Variants in NWD2 observed in about 807,000 individuals in gnomAD.
The protein encoded by NWD2 is NACHT and WD repeat domain containing 2.
NWD2 carries 37 observed loss-of-function variants against 132.7 expected under a neutral mutation model. That is an observed-to-expected ratio of 0.28 (90% CI 0.21 to 0.37). The LOEUF is 0.37. NWD2 is among the 10% of genes least tolerant of loss of function. The pLI, the probability that NWD2 is intolerant of heterozygous loss-of-function variation, is 1.00. For synonymous variants in NWD2, 705 were observed against 803.0 expected, an observed-to-expected ratio of 0.88 and a Z score of 2.06; for missense variants, 1,592 against 2,122.4, an observed-to-expected ratio of 0.75 and a Z score of 4.91.
chr4:37,409,791 G>A (rs2109318618), intron 3 of NWD2, among the ~76,000 whole-genome samples: 1 of 152,332 alleles, frequency 6.6e-6, no homozygotes, highest in South Asian at 2.1e-4. Flanking sequence ...AAGCCCATCA[G>A]ACTAACAGCA....
At chr4:37,264,495 G>A (rs1240065020) in intron 1 of NWD2, among the ~76,000 whole-genome samples, 1 of 152,074 alleles carries the variant, frequency 6.6e-6, no homozygotes, top group Non-Finnish European at 1.5e-5. Flanking sequence ...TTTTGCCCAA[G>A]GAGGTTGAAT....
intron 3 of NWD2, among the ~76,000 whole-genome samples, chr4:37,367,126 T>C (rs566822750): frequency 4.7e-4 from 71 of 152,258 alleles, no homozygotes; most frequent in African/African-American, 1.7e-3. Context: ...GTTGAAATCA[T>C]ACTAAACTTG....
intron 4 of NWD2, among the ~76,000 whole-genome samples, chr4:37,431,598 C>T (rs1266027561): frequency 6.6e-6 from 1 of 152,122 alleles, no homozygotes; most frequent in African/African-American, 2.4e-5. Flanking sequence ...CTGAAATTGG[C>T]TGAGAGAGCA....
chr4:37,436,818 T>C (rs1427259686), intron 5 of NWD2, among the ~76,000 whole-genome samples: 1 of 152,150 alleles, frequency 6.6e-6, no homozygotes, highest in East Asian at 1.9e-4. Context: ...CATCTTCCCT[T>C]ATCTACATTA....
At chr4:37,422,366 A>G (rs982999758) in intron 3 of NWD2, among the ~76,000 whole-genome samples, 2 of 152,216 alleles carry the variant, frequency 1.3e-5, no homozygotes, top group Non-Finnish European at 2.9e-5. Context: ...TTAACCCAGC[A>G]TAATTATTTT....
chr4:37,284,519 C>A (rs1173030768), intron 1 of NWD2, among the ~76,000 whole-genome samples: 5 of 152,338 alleles, frequency 3.3e-5, no homozygotes, highest in African/African-American at 9.6e-5. Context: ...CCTCCAGTGC[C>A]TGTTGGAGTC....
intron 3 of NWD2, among the ~76,000 whole-genome samples, chr4:37,394,798 G>GGTTTTTTTTTGTTTT (rs143429576): frequency 6.9e-5 from 1 of 14,452 alleles, no homozygotes; most frequent in Non-Finnish European, 1.9e-4. Flanking sequence ...GAACCTTTAT[G>GGTTTTTTTTTGTTTT]GTTTTTTTTT....
Position 37,398,507 on chromosome 4 carries a change from G to A in NWD2, c.358-32065G>A, listed in dbSNP as rs73132381. ...AAGACAAATACCTAATGCATGCAGA[G>A]TTTAAAACCTACATGCCGGGTTCAT... is the stretch of plus-strand genomic sequence containing the variant. On this transcript the variant is annotated intron_variant, in intron 3 of 6. Coordinates refer to ENST00000309447, the MANE Select transcript of NWD2 (RefSeq NM_001144990.2). Among the ~76,000 whole-genome samples, 366 of 152,252 alleles carry A rather than the reference G, an allele frequency of 2.4e-3. 4 individuals carry two copies. The highest frequency in any genetic ancestry group is 8.5e-3 in the African/African-American group (355 of 41,544).
chr4:37,245,903 C>T (rs916911332), intron 1 of NWD2, among the ~76,000 whole-genome samples: 1 of 152,186 alleles, frequency 6.6e-6, no homozygotes, highest in African/African-American at 2.4e-5. Context: ...ACCTGGTAGG[C>T]ACTCCATGAA....
chr4:37,313,341 C>T (rs1718889522), intron 1 of NWD2, among the ~76,000 whole-genome samples: 1 of 151,234 alleles, frequency 6.6e-6, no homozygotes, highest in African/African-American at 2.5e-5. Context: ...TCAACTTCTT[C>T]CTGGTTTGGT....
chr4:37,356,883 A>C (rs1478955285), intron 3 of NWD2, among the ~76,000 whole-genome samples: 1 of 152,208 alleles, frequency 6.6e-6, no homozygotes, highest in Non-Finnish European at 1.5e-5. Context: ...TTTTAACAAA[A>C]TGGCTGAAAC....
intron 1 of NWD2, among the ~76,000 whole-genome samples, chr4:37,318,016 C>CTT (rs1346676424): frequency 7.6e-6 from 1 of 131,910 alleles, no homozygotes; most frequent in African/African-American, 2.8e-5. Flanking sequence ...TTTCTTTTTT[C>CTT]TTTCTTTTTT....
chr4:37,377,989 G>A (rs1720378292), intron 3 of NWD2, among the ~76,000 whole-genome samples: 1 of 151,918 alleles, frequency 6.6e-6, no homozygotes, highest in South Asian at 2.1e-4. Context: ...TAGCAAAACA[G>A]TACGTTGTAC....
At chr4:37,288,666 A>G (rs1022132278) in intron 1 of NWD2, among the ~76,000 whole-genome samples, 5 of 152,208 alleles carry the variant, frequency 3.3e-5, no homozygotes, top group Non-Finnish European at 1.5e-5. Flanking sequence ...AGGCTTCAGA[A>G]TCTCTTCTGC....
chr4:37,372,546 C>G (rs1324521633), intron 3 of NWD2, among the ~76,000 whole-genome samples: 1 of 152,168 alleles, frequency 6.6e-6, no homozygotes, highest in African/African-American at 2.4e-5. Flanking sequence ...ATGTTCATGT[C>G]AAACTACAAG....
chr4:37,318,812 T>C (rs1309551797), intron 1 of NWD2, among the ~76,000 whole-genome samples: 2 of 152,204 alleles, frequency 1.3e-5, no homozygotes, highest in Non-Finnish European at 2.9e-5. Context: ...CATGATTTCA[T>C]TATATTTTAT....
At chr4:37,388,073 G>C (rs570481495) in intron 3 of NWD2, among the ~76,000 whole-genome samples, 1 of 152,154 alleles carries the variant, frequency 6.6e-6, no homozygotes, top group Admixed American at 6.5e-5. Flanking sequence ...TAAAATGGGA[G>C]CAATAATAGT....
intron 3 of NWD2, among the ~76,000 whole-genome samples, chr4:37,405,421 T>TAATAGAATAGAATACAATAG (rs1315500729): frequency 1.5e-4 from 21 of 141,414 alleles, no homozygotes; most frequent in African/African-American, 5.6e-4. Context: ...TAGTTGAATG[T>TAATAGAATAGAATACAATAG]AATAGAATAG....
intron 1 of NWD2, among the ~76,000 whole-genome samples, chr4:37,308,903 A>T (rs900416049): frequency 1.5e-4 from 23 of 152,122 alleles, no homozygotes; most frequent in Non-Finnish European, 2.6e-4. Flanking sequence ...ATGGGCCCTA[A>T]ATGTGCCAGT....
Sources: allele counts gnomAD v4.1 joint callset (sites outside exome capture counted in the v4.1 genomes callset), GRCh38; gene constraint gnomAD v4.1.1; transcripts MANE v1.5; gene names NCBI Gene and HGNC (gene_info 2026-07-23, HGNC 2026-07-21).